Variants in XPO4 observed in about 807,000 individuals in gnomAD.
XPO4 encodes the protein exportin-4.
XPO4 carries 39 observed loss-of-function variants against 143.0 expected under a neutral mutation model. The observed-to-expected ratio is 0.27, with a 90% CI of 0.21 to 0.36. XPO4 has a LOEUF of 0.36. Among genes scored for constraint, XPO4 ranks in the 10% least tolerant of loss-of-function variants. XPO4 has a pLI of 1.00. For synonymous variants in XPO4, 439 were observed against 474.0 expected (o/e 0.93, Z 0.96); for missense variants, 907 against 1,348.0 (o/e 0.67, Z 5.12).
At chr13:20,786,639 G>A (rs930622303) in intron 22 of XPO4, among the ~76,000 whole-genome samples, 5 of 152,056 alleles carry the variant, frequency 3.3e-5, no homozygotes, top group African/African-American at 1.2e-4. Context: ...AAAAAACCAT[G>A]AGTTCTTCAC....
In XPO4 at chr13:20,783,478, T is replaced by G; in HGVS notation, c.*244A>C. 1 of 525,040 alleles carries G rather than the reference T, an allele frequency of 1.9e-6. No individual in the cohort carries two copies. The highest frequency in any genetic ancestry group is 3.4e-6 in the Non-Finnish European group (1 of 295,334). 32.5% of individuals were successfully genotyped at this position (525,040 alleles called of 1,614,324 possible). On this transcript the variant is annotated 3_prime_UTR_variant, in exon 23 of 23. Coordinates refer to ENST00000255305, the MANE Select transcript of XPO4 (RefSeq NM_022459.5). ...ATATATGGAATTTCATTTTGAAAAT[T>G]TTAAATCACCATTCAGAATCTAAAA...
intron 6 of XPO4, among the ~76,000 whole-genome samples, chr13:20,830,581 C>T (rs1189221403): frequency 6.6e-6 from 1 of 152,090 alleles, no homozygotes; most frequent in East Asian, 1.9e-4. Context: ...CCTGTAACTA[C>T]AAATCATATC....
At chr13:20,861,478 T>A (rs1329108758) in intron 3 of XPO4, among the ~76,000 whole-genome samples, 1 of 151,984 alleles carries the variant, frequency 6.6e-6, no homozygotes, top group East Asian at 1.9e-4. Flanking sequence ...GTATTTTTAG[T>A]AGAGATGGGG....
At position 20,843,855 on chromosome 13, in the gene XPO4, A is replaced by T. The variant is rs768460754; in HGVS notation, c.488T>A (p.Leu163Gln). The T allele has an allele frequency of 3.1e-6, 5 of 1,613,186 alleles. No individual in the cohort carries two copies. In the Admixed American group the frequency reaches 5.0e-5, roughly 16 times the overall value. The part of the protein sequence containing the change: ...QTLACSILTA[L>Q]LSEFSSSSKT... ...ACTTGAACTTGAAAATTCACTCAAT[A>T]GCGCAGTCAGAATAGAACAGGCCAG... Residue 163 changes from leucine to glutamine, a missense_variant, in exon 5 of 23, where the codon CTA (leucine) becomes CAA (glutamine). Physicochemically the swap from Leu to Gln is moderately radical, Grantham distance 113. Transcript: ENST00000255305.
At chr13:20,801,796 G>A (rs992760606) in intron 13 of XPO4, among the ~76,000 whole-genome samples, 2 of 152,062 alleles carry the variant, frequency 1.3e-5, no homozygotes, top group Non-Finnish European at 2.9e-5. Flanking sequence ...ACTCAAATTC[G>A]GCTTATGCTC....
chr13:20,868,744 A>C lies in XPO4; in HGVS notation c.70-43T>G, dbSNP rs200564772. 494 of 1,560,330 alleles carry C rather than the reference A, an allele frequency of 3.2e-4. 5 individuals carry two copies. In the African/African-American group the frequency reaches 5.8e-3, roughly 18 times the overall value. ...AGAACAGATACACTTATCTAATGACAAAGCTTAAATAATATCAATATTTTT... is the reference window on the plus strand; with the variant it reads ...AGAACAGATACACTTATCTAATGACCAAGCTTAAATAATATCAATATTTTT... On this transcript the variant is annotated intron_variant, in intron 1 of 22. Transcript: ENST00000255305.
chr13:20,782,172 C>A lies in XPO4; in HGVS notation c.*1550G>T, dbSNP rs187516645. The A allele has an allele frequency of 2.0e-5, 3 of 152,314 alleles. No homozygotes were observed. The highest frequency in any genetic ancestry group is 2.0e-4 in the Admixed American group (3 of 15,300). The allele number at this position is 152,314 out of a possible 1,614,324, so 9.4% of individuals were successfully genotyped here. A position where few individuals can be genotyped will look rare whatever the true frequency, so the allele number is the denominator to read the frequency against. On this transcript the variant is annotated 3_prime_UTR_variant, in exon 23 of 23. Coordinates refer to ENST00000255305, the MANE Select transcript of XPO4 (RefSeq NM_022459.5). ...ACACAGAATTATACAAAGTTTTGCA[C>A]AGCATCACATGTAATGACACATATG...
At chr13:20,856,318 C>A in intron 3 of XPO4, 4 of 969,074 alleles carry the variant, frequency 4.1e-6, no homozygotes, top group Non-Finnish European at 4.9e-6. Context: ...AATTGTAAAA[C>A]ACACACACAC....
intron 1 of XPO4, among the ~76,000 whole-genome samples, chr13:20,872,972 G>A (rs769480211): frequency 1.6e-4 from 25 of 151,920 alleles, no homozygotes; most frequent in African/African-American, 2.7e-4. Flanking sequence ...CCCTGTTTAC[G>A]TTCTCATCAT....
chr13:20,830,489 A>T (rs1188238569), intron 6 of XPO4, among the ~76,000 whole-genome samples: 1 of 152,160 alleles, frequency 6.6e-6, no homozygotes, highest in Non-Finnish European at 1.5e-5. Context: ...GCCTGGTTAT[A>T]CCACTAATAA....
chr13:20,846,553 G>C (rs968390152), intron 4 of XPO4, among the ~76,000 whole-genome samples: 1 of 152,126 alleles, frequency 6.6e-6, no homozygotes, highest in Non-Finnish European at 1.5e-5. Flanking sequence ...ATTCTTAATC[G>C]ATGAGAATTT....
At chr13:20,851,410 C>G in intron 4 of XPO4, 1 of 985,242 alleles carries the variant, frequency 1.0e-6, no homozygotes, top group Non-Finnish European at 1.2e-6. Flanking sequence ...GTTCTCAGCC[C>G]TGGTATTAAA....
At chr13:20,800,111 AC>A in intron 15 of XPO4, 44 bp downstream of exon 15, 2 of 1,599,354 alleles carry the variant, frequency 1.3e-6, no homozygotes, top group Non-Finnish European at 1.7e-6. Context: ...AGAGTTTCTC[AC>A]CCACACACAT....
intron 18 of XPO4, among the ~76,000 whole-genome samples, chr13:20,791,211 T>C (rs1261118505): frequency 6.6e-6 from 1 of 151,958 alleles, no homozygotes; most frequent in Non-Finnish European, 1.5e-5. Context: ...AGGAAAACAG[T>C]CCATTCCAAC....
chr13:20,807,671 A>G, intron 12 of XPO4, 37 bp from the exon 13 acceptor site: 1 of 1,464,358 alleles, frequency 6.8e-7, no homozygotes. Flanking sequence ...AACACTTAAC[A>G]AATCTACATT....
chr13:20,890,920 C>T (rs563922848), intron 1 of XPO4, among the ~76,000 whole-genome samples: 3 of 151,492 alleles, frequency 2.0e-5, no homozygotes, highest in South Asian at 2.1e-4. Context: ...CCAGCCTGAC[C>T]GGACCAACAT....
chr13:20,824,598 T>C (rs759167262), intron 7 of XPO4, among the ~76,000 whole-genome samples: 1 of 152,246 alleles, frequency 6.6e-6, no homozygotes, highest in Non-Finnish European at 1.5e-5. Context: ...TTAATTTTTA[T>C]ACAATATAAA....
At chr13:20,883,165 C>T (rs915573657) in intron 1 of XPO4, among the ~76,000 whole-genome samples, 1 of 152,246 alleles carries the variant, frequency 6.6e-6, no homozygotes, top group African/African-American at 2.4e-5. Context: ...TACCCCTCCC[C>T]AAGCCTCTGT....
At chr13:20,856,760 C>A (rs535742752) in intron 3 of XPO4, 3 of 848,058 alleles carry the variant, frequency 3.5e-6, no homozygotes, top group Admixed American at 6.2e-5. Context: ...CGCACAACTG[C>A]AGACATATTG....
Sources: allele counts gnomAD v4.1 joint callset (sites outside exome capture counted in the v4.1 genomes callset), GRCh38; gene constraint gnomAD v4.1.1; transcripts MANE v1.5; gene names NCBI Gene and HGNC (gene_info 2026-07-23, HGNC 2026-07-21).